Variants in EDEM3 observed in about 807,000 individuals in gnomAD.
The protein encoded by EDEM3 is ER degradation enhancing alpha-mannosidase like protein 3, also known as ER degradation-enhancing alpha-mannosidase-like protein 3.
In EDEM3, 60 loss-of-function variants were observed where a neutral mutation model predicts 110.2. The observed-to-expected ratio is 0.54, with a 90% CI of 0.44 to 0.67. The LOEUF is 0.67. Ranked by LOEUF, EDEM3 falls within the 30% of genes least tolerant of loss-of-function variation. The pLI is 0.00. For missense variants in EDEM3, 996 were observed against 1,121.0 expected (o/e 0.89, Z 1.59); for synonymous variants, 352 against 382.9 (o/e 0.92, Z 0.94).
intron 6 of EDEM3, 138 bp from the exon 7 acceptor site, chr1:184,726,527 T>C: frequency 1.0e-6 from 1 of 962,552 alleles, no homozygotes; most frequent in South Asian, 1.8e-5. Flanking sequence ...TTCAATCTGA[T>C]GATCTCTGAC....
chr1:184,734,046 G>C (rs540411450), intron 5 of EDEM3, among the ~76,000 whole-genome samples: 1 of 152,312 alleles, frequency 6.6e-6, no homozygotes, highest in East Asian at 1.9e-4. Context: ...ACGTCTGTGA[G>C]TGATTAAATA....
At chr1:184,709,670 C>T (rs949701864) in intron 16 of EDEM3, among the ~76,000 whole-genome samples, 7 of 151,814 alleles carry the variant, frequency 4.6e-5, no homozygotes, top group Non-Finnish European at 8.8e-5. Context: ...CCCACTGAGG[C>T]CAAATAAAAT....
intron 5 of EDEM3, among the ~76,000 whole-genome samples, chr1:184,733,511 T>G (rs1651643541): frequency 6.6e-6 from 1 of 152,184 alleles, no homozygotes; most frequent in Non-Finnish European, 1.5e-5. Flanking sequence ...AAACTTGAAC[T>G]AATAAATCCT....
chr1:184,752,285 C>T (rs1652812611), intron 1 of EDEM3, among the ~76,000 whole-genome samples: 1 of 152,014 alleles, frequency 6.6e-6, no homozygotes, highest in Non-Finnish European at 1.5e-5. Flanking sequence ...CAATTCCAGT[C>T]TTTATCAACT....
At chr1:184,711,905 C>A in intron 14 of EDEM3, 28 bp from the exon 15 acceptor site, 2 of 1,544,122 alleles carry the variant, frequency 1.3e-6, no homozygotes, top group Non-Finnish European at 8.7e-7. Context: ...TTTATGTAAA[C>A]AGAAATAATT....
At chr1:184,747,988 C>T (rs1652528872) in intron 2 of EDEM3, among the ~76,000 whole-genome samples, 1 of 152,174 alleles carries the variant, frequency 6.6e-6, no homozygotes, top group South Asian at 2.1e-4. Flanking sequence ...CATCAGTACG[C>T]ATTTATGAGA....
At chr1:184,710,655 C>T in intron 15 of EDEM3, 108 bp from the exon 16 acceptor site, 4 of 1,275,808 alleles carry the variant, frequency 3.1e-6, no homozygotes, top group Non-Finnish European at 3.2e-6. Context: ...AGTTTTAGAA[C>T]TAGTGAAACT....
At chr1:184,743,984 AG>A (rs1484834757) in intron 2 of EDEM3, among the ~76,000 whole-genome samples, 4 of 151,558 alleles carry the variant, frequency 2.6e-5, no homozygotes, top group East Asian at 1.9e-4. Flanking sequence ...TAGAACATCT[AG>A]GAAAAAAAAA....
At chr1:184,708,444 C>T in intron 16 of EDEM3, 100 bp from the exon 17 acceptor site, 1 of 1,228,682 alleles carries the variant, frequency 8.1e-7, no homozygotes, top group Non-Finnish European at 1.1e-6. Context: ...TACTCTACAA[C>T]TTCTTCTTTC....
At position 184,710,640 on chromosome 1, in the gene EDEM3, T is replaced by C. The variant is rs932830860; in HGVS notation, c.1692-93A>G. ...AATAAAAATAATGTTACTTGCAAAA[T>C]TGCTAGTTTTAGAACTAGTGAAACT... On this transcript the variant is annotated intron_variant, in intron 15 of 19. Transcript: ENST00000318130. 19 of 1,447,150 alleles carry C rather than the reference T, an allele frequency of 1.3e-5. No homozygotes were observed. The African/African-American group carries it at 2.6e-4, about 20-fold the overall frequency. The allele number at this position is 1,447,150 out of a possible 1,614,324, so 89.6% of individuals were successfully genotyped here.
intron 19 of EDEM3, among the ~76,000 whole-genome samples, chr1:184,700,327 T>A (rs1210533798): frequency 6.6e-6 from 1 of 151,948 alleles, no homozygotes; most frequent in Non-Finnish European, 1.5e-5. Context: ...TGACTTCATA[T>A]GGAAAAATAC....
At chr1:184,753,229 T>TG (rs1217907008) in intron 1 of EDEM3, among the ~76,000 whole-genome samples, 1 of 151,898 alleles carries the variant, frequency 6.6e-6, no homozygotes, top group African/African-American at 2.4e-5. Flanking sequence ...AAAAAAAACA[T>TG]GGGATGATAC....
chr1:184,698,498 G>A (rs72737767), intron 19 of EDEM3, among the ~76,000 whole-genome samples: 580 of 151,860 alleles, frequency 3.8e-3, no homozygotes, highest in Non-Finnish European at 6.0e-3. Flanking sequence ...CTTTAATATA[G>A]CTTTAACTGT....
intron 19 of EDEM3, among the ~76,000 whole-genome samples, chr1:184,700,689 T>C (rs1016895170): frequency 6.6e-6 from 1 of 151,994 alleles, no homozygotes; most frequent in Admixed American, 6.6e-5. Context: ...TTGATTCTGA[T>C]GCAGGGGAGA....
chr1:184,702,887 T>G lies in EDEM3; in HGVS notation c.2313A>C (p.Glu771Asp). The G allele has an allele frequency of 1.2e-6, 2 of 1,613,672 alleles. No homozygotes were observed. The highest frequency in any genetic ancestry group is 1.7e-6 in the Non-Finnish European group (2 of 1,179,780). Residue 771 changes from glutamate (E) to aspartate (D), a missense_variant, in exon 19 of 20, where the codon GAA (glutamate) becomes GAC (aspartate). Glu to Asp is a conservative substitution (Grantham distance 45). Transcript: ENST00000318130. ...GGATGGCATCCAGTATGATACTTCC[T>G]TCTTTGCTGAATAAGAACAGCATGG... ...KIPMLFLFSK[E>D]GSIILDAIRE...
intron 8 of EDEM3, 126 bp from the exon 9 acceptor site, chr1:184,721,512 G>C (rs1650900966): frequency 1.8e-6 from 1 of 560,774 alleles, no homozygotes; most frequent in Non-Finnish European, 3.0e-6. Context: ...CACCAGTTTA[G>C]ATTTGCCCTG....
rs1410917228 is a variant in EDEM3 at position 184,693,274 on chromosome 1, A to C, written c.*789T>G. Reference sequence around the variant, plus strand: ...TCACAGCTTTCCCTATGGAAGGCCCAATGGGAGGTTCATATTGCAACATTA... The same window carrying C: ...TCACAGCTTTCCCTATGGAAGGCCCCATGGGAGGTTCATATTGCAACATTA... On this transcript the variant is annotated 3_prime_UTR_variant, in exon 20 of 20. Transcript: ENST00000318130. 1.3e-5 allele frequency: 2 copies of C among 154,918 alleles called. No homozygotes were observed. Among genetic ancestry groups the C allele is most frequent in the Admixed American group, 1.3e-4 (2 of 15,300 alleles). The allele number at this position is 154,918 out of a possible 1,614,324, so 9.6% of individuals were successfully genotyped here. A position where few individuals can be genotyped will look rare whatever the true frequency, so the allele number is the denominator to read the frequency against.
rs1649051597 is a variant in EDEM3, at chr1:184,691,290, A to G, written c.*2773T>C. On this transcript the variant is annotated 3_prime_UTR_variant, in exon 20 of 20. Coordinates refer to ENST00000318130, the MANE Select transcript of EDEM3 (RefSeq NM_025191.4). ...TTGCAAATAAGGGCATATCATTTCA[A>G]TGAACTTTTATATGCAGAAAAAAAC... The G allele has an allele frequency of 2.6e-5, 4 of 152,554 alleles. No homozygotes were observed. The highest frequency in any genetic ancestry group is 7.2e-5 in the African/African-American group (3 of 41,458). The allele number at this position is 152,554 out of a possible 1,614,324, so 9.5% of individuals were successfully genotyped here. A position where few individuals can be genotyped will look rare whatever the true frequency, so the allele number is the denominator to read the frequency against.
At chr1:184,694,880 T>C (rs1314823027) in intron 19 of EDEM3, among the ~76,000 whole-genome samples, 1 of 152,084 alleles carries the variant, frequency 6.6e-6, no homozygotes, top group African/African-American at 2.4e-5. Context: ...TTAAACAGCA[T>C]ATATCATTGC....
Sources: allele counts gnomAD v4.1 joint callset (sites outside exome capture counted in the v4.1 genomes callset), GRCh38; gene constraint gnomAD v4.1.1; transcripts MANE v1.5; gene names NCBI Gene and HGNC (gene_info 2026-07-23, HGNC 2026-07-21).